Variants in KIAA0753 observed in about 807,000 individuals in gnomAD.
The protein encoded by KIAA0753 is KIAA0753.
Under a neutral mutation model 116.9 loss-of-function variants are expected in KIAA0753, and 114 were observed. That is an observed-to-expected ratio of 0.98 (90% CI 0.84 to 1.14). The LOEUF (loss-of-function observed/expected upper bound fraction) is 1.14. KIAA0753 is among the 50% of genes most tolerant of loss of function. The pLI is 0.00. For synonymous variants in KIAA0753, 405 were observed against 413.1 expected, an observed-to-expected ratio of 0.98 and a Z score of 0.24; for missense variants, 1,156 against 1,172.4, an observed-to-expected ratio of 0.99 and a Z score of 0.20.
intron 12 of KIAA0753, among the ~76,000 whole-genome samples, chr17:6,603,502 G>A (rs1970003299): frequency 6.6e-6 from 1 of 152,150 alleles, no homozygotes; most frequent in African/African-American, 2.4e-5. Flanking sequence ...TCAGATTTTT[G>A]CTTCTGAAGA....
chr17:6,597,969 T>C (rs186696162), intron 14 of KIAA0753, among the ~76,000 whole-genome samples: 2 of 152,382 alleles, frequency 1.3e-5, no homozygotes, highest in Admixed American at 1.3e-4. Flanking sequence ...CCTGGAATAC[T>C]CTGCAGTGAA....
chr17:6,590,395 A>G, intron 17 of KIAA0753, 115 bp downstream of exon 17: 1 of 1,285,116 alleles, frequency 7.8e-7, no homozygotes, highest in African/African-American at 1.5e-5. Flanking sequence ...GTTTGGCAAG[A>G]TCTTGCTCAA....
At chr17:6,600,493 G>A (rs775149410) in intron 12 of KIAA0753, 35 bp from the exon 13 acceptor site, 25 of 1,527,546 alleles carry the variant, frequency 1.6e-5, no homozygotes, top group African/African-American at 8.2e-5. Context: ...TAAAATCAAA[G>A]GCAATAAAAT....
chr17:6,610,011 T>G lies in KIAA0753; in HGVS notation c.1695A>C (p.Pro565=), dbSNP rs764119934. 6.2e-7 allele frequency: 1 copy of G among 1,613,890 alleles called. No individual in the cohort carries two copies. Among genetic ancestry groups the G allele is most frequent in the Non-Finnish European group, 8.5e-7 (1 of 1,179,874 alleles). ...TCACATACCATTTAGGAGACGCTGG[T>G]GGGGATGTGGGGTTTGGGGGTATCC... ...APWIPPNPTS[P]PASPKCAAWL... Residue 565 remains proline, a synonymous_variant, in exon 9 of 19, where the codon CCA becomes CCC. Coordinates refer to ENST00000361413, the MANE Select transcript of KIAA0753 (RefSeq NM_014804.3).
At chr17:6,604,890 G>A (rs1178776807) in intron 12 of KIAA0753, among the ~76,000 whole-genome samples, 1 of 151,934 alleles carries the variant, frequency 6.6e-6, no homozygotes, top group Non-Finnish European at 1.5e-5. Flanking sequence ...CAGCAAATAT[G>A]AGATGGTTTA....
intron 18 of KIAA0753, among the ~76,000 whole-genome samples, chr17:6,580,795 C>A (rs1968105593): frequency 6.6e-6 from 1 of 152,016 alleles, no homozygotes; most frequent in Non-Finnish European, 1.5e-5. Flanking sequence ...TGCAACCTAG[C>A]CCCACCTCTA....
At chr17:6,604,857 T>C (rs1487352850) in intron 12 of KIAA0753, among the ~76,000 whole-genome samples, 1 of 151,992 alleles carries the variant, frequency 6.6e-6, no homozygotes, top group African/African-American at 2.4e-5. Context: ...ATAAAAATAA[T>C]CTTCTATACC....
In KIAA0753 at chr17:6,628,106, A is replaced by C. The variant is rs750442406; in HGVS notation, c.718+11T>G. On this transcript the variant is annotated intron_variant, in intron 3 of 18. Transcript: ENST00000361413. ...GCCTTAGGTCGAAGTAAAGAATCTA[A>C]TTTTTCTCACCTTTTTTAGTTACCT... 6.2e-7 allele frequency: 1 copy of C among 1,601,588 alleles called. No homozygotes were observed. Among genetic ancestry groups the C allele is most frequent in the Admixed American group, 1.7e-5 (1 of 57,676 alleles).
chr17:6,612,889 C>A (rs1970649385), intron 7 of KIAA0753, among the ~76,000 whole-genome samples: 2 of 150,800 alleles, frequency 1.3e-5, no homozygotes, highest in South Asian at 2.1e-4. Context: ...AAAATAAATA[C>A]ATACATACAT....
rs761629048 is a variant in KIAA0753 at position 6,609,989 on chromosome 17, C to T, written c.1712+5G>A. The stretch of plus-strand genomic sequence containing the variant: ...ACACAAACGGTCCCTTGAGTTTTCA[C>T]ATACCATTTAGGAGACGCTGGTGGG... On this transcript the variant is annotated splice_donor_5th_base_variant and intron_variant, in intron 9 of 18. Transcript: ENST00000361413. The T allele has an allele frequency of 6.2e-7, 1 of 1,613,762 alleles. No homozygotes were observed. The highest frequency in any genetic ancestry group is 1.7e-5 in the Admixed American group (1 of 60,000).
rs533103001 is a variant in KIAA0753, at chr17:6,628,225, T to A, written c.610A>T (p.Ile204Leu). The A allele has an allele frequency of 5.0e-6, 8 of 1,614,012 alleles. No individual in the cohort carries two copies. Among genetic ancestry groups the A allele is most frequent in the Non-Finnish European group, 6.8e-6 (8 of 1,180,020 alleles). The change falls in exon 3 of 19, where the codon ATA becomes TTA. Residue 204 changes from isoleucine (I) to leucine (L), a missense_variant. By Grantham distance (5) the Ile-to-Leu change is conservative (BLOSUM62 2). Coordinates refer to ENST00000361413, the MANE Select transcript of KIAA0753 (RefSeq NM_014804.3). ...TCACTTATGTTTTTGTGGTCACCTATCCTGGGATGAGGCTGAAGTCCCGGA... is the reference window on the plus strand; with the variant it reads ...TCACTTATGTTTTTGTGGTCACCTAACCTGGGATGAGGCTGAAGTCCCGGA... ...HDPGLQPHPR[I>L]GDHKNISEQK...
intron 14 of KIAA0753, among the ~76,000 whole-genome samples, chr17:6,596,850 A>C (rs1261122292): frequency 6.6e-6 from 1 of 152,232 alleles, no homozygotes; most frequent in East Asian, 1.9e-4. Context: ...TATGTTGTAC[A>C]TTCAAAAAGC....
chr17:6,595,930 T>C (rs1969439156), intron 15 of KIAA0753, among the ~76,000 whole-genome samples: 2 of 152,216 alleles, frequency 1.3e-5, no homozygotes, highest in South Asian at 4.1e-4. Flanking sequence ...CTGGATTACA[T>C]GGCAAGCAGT....
At chr17:6,624,072 G>C (rs1971501330) in intron 4 of KIAA0753, 1 of 152,468 alleles carries the variant, frequency 6.6e-6, no homozygotes, top group African/African-American at 2.4e-5. Flanking sequence ...AAATGAAAAA[G>C]TACAGCTTTT....
intron 18 of KIAA0753, 120 bp downstream of exon 18, chr17:6,589,659 G>C (rs1968842010): frequency 1.5e-6 from 1 of 671,592 alleles, no homozygotes; most frequent in African/African-American, 1.9e-5. Context: ...AACAACCACT[G>C]AAACTCCAGG....
At chr17:6,630,194 CA>C (rs1971939526) in intron 2 of KIAA0753, among the ~76,000 whole-genome samples, 1 of 151,790 alleles carries the variant, frequency 6.6e-6, no homozygotes, top group African/African-American at 2.4e-5. Context: ...CAGGGAAAAA[CA>C]TATGACCAAT....
At chr17:6,607,326 T>C in intron 10 of KIAA0753, 56 bp from the exon 11 acceptor site, 1 of 1,405,998 alleles carries the variant, frequency 7.1e-7, no homozygotes, top group South Asian at 1.2e-5. Flanking sequence ...CAGGGTGTCA[T>C]CATCACAGAA....
intron 12 of KIAA0753, among the ~76,000 whole-genome samples, chr17:6,606,655 T>C (rs749129787): frequency 6.6e-6 from 1 of 152,198 alleles, no homozygotes; most frequent in Non-Finnish European, 1.5e-5. Context: ...ACAGAACTTC[T>C]CTACAATTAC....
Position 6,628,247 on chromosome 17 carries a change from C to T in KIAA0753, c.588G>A (p.Pro196=), listed in dbSNP as rs113444393. 216 of 1,614,102 alleles carry T rather than the reference C, an allele frequency of 1.3e-4. 1 individual carries two copies. The South Asian group carries it at 1.7e-3, about 13-fold the overall frequency. Residue 196 remains proline, a synonymous_variant, in exon 3 of 19, where the codon CCG becomes CCA. Transcript: ENST00000361413. ...TVPNSPPTHD[P]GLQPHPRIGD... ...CTATCCTGGGATGAGGCTGAAGTCCCGGATCATGGGTGGGTGGCGAATTTG... is the reference window on the plus strand; with the variant it reads ...CTATCCTGGGATGAGGCTGAAGTCCTGGATCATGGGTGGGTGGCGAATTTG...
Sources: gnomAD v4.1 joint callset for allele counts (sites outside exome capture counted in the v4.1 genomes callset) on GRCh38, gnomAD v4.1.1 for gene constraint, MANE v1.5 for transcripts, NCBI Gene and HGNC (gene_info 2026-07-23, HGNC 2026-07-21) for gene names.